MYLK: variants seen among roughly 807,000 people sequenced by gnomAD.
MYLK encodes the protein myosin light chain kinase, smooth muscle.
MYLK carries 106 observed loss-of-function variants against 203.4 expected under a neutral mutation model. That is an observed-to-expected ratio of 0.52 (90% CI 0.45 to 0.61). MYLK has a LOEUF of 0.61. MYLK is among the 20% of genes least tolerant of loss of function. The probability of loss-of-function intolerance (pLI) is 0.00; values close to 1 mark genes in which losing one functional copy is unlikely to be tolerated. For missense variants in MYLK, 2,072 were observed against 2,442.3 expected, an observed-to-expected ratio of 0.85 and a Z score of 3.20; for synonymous variants, 867 against 959.5, an observed-to-expected ratio of 0.90 and a Z score of 1.78.
rs773207592 is a variant in MYLK, at chr3:123,737,465, C to T, written c.667G>A (p.Val223Ile). 6.2e-7 allele frequency: 1 copy of T among 1,614,212 alleles called. No homozygotes were observed. Among genetic ancestry groups the T allele is most frequent in the Non-Finnish European group, 8.5e-7 (1 of 1,180,046 alleles). Residue 223 changes from valine (V) to isoleucine (I), a missense_variant, in exon 8 of 34, where the codon GTC (valine) becomes ATC (isoleucine). Transcript: ENST00000360304. Reference protein sequence around the residue: ...NGMQVLEIHGVNQDDVGVYTC... With the variant: ...NGMQVLEIHGINQDDVGVYTC... ...TACACTCCCACGTCATCTTGGTTGA[C>T]TCCATGGATTTCCAGAACCTGCATG...
chr3:123,804,097 G>A (rs888396669), intron 3 of MYLK, among the ~76,000 whole-genome samples: 13 of 152,198 alleles, frequency 8.5e-5, no homozygotes, highest in African/African-American at 3.1e-4. Flanking sequence ...AAAATTAATG[G>A]GGCAGGATGT....
chr3:123,706,210 G>T (rs1378275875), intron 16 of MYLK, among the ~76,000 whole-genome samples: 2 of 152,116 alleles, frequency 1.3e-5, no homozygotes, highest in African/African-American at 4.8e-5. Flanking sequence ...TAATGAAACT[G>T]CTTTAAAAAT....
intron 5 of MYLK, among the ~76,000 whole-genome samples, chr3:123,747,894 C>T (rs1250599284): frequency 6.6e-6 from 1 of 152,142 alleles, no homozygotes; most frequent in Non-Finnish European, 1.5e-5. Flanking sequence ...ACCACTGGGG[C>T]TGGGGCACAC....
intron 23 of MYLK, among the ~76,000 whole-genome samples, chr3:123,661,668 G>A (rs1363104717): frequency 6.6e-6 from 1 of 152,184 alleles, no homozygotes; most frequent in Non-Finnish European, 1.5e-5. Flanking sequence ...CAGGGTGACG[G>A]ACACTGAGAA....
intron 4 of MYLK, among the ~76,000 whole-genome samples, chr3:123,785,105 G>C (rs958463687): frequency 5.9e-5 from 9 of 152,184 alleles, no homozygotes; most frequent in Admixed American, 5.9e-4. Context: ...TATGGCTGAA[G>C]CCTCACCCCT....
chr3:123,698,039 C>G (rs2108561317), intron 18 of MYLK, among the ~76,000 whole-genome samples: 1 of 152,228 alleles, frequency 6.6e-6, no homozygotes, highest in South Asian at 2.1e-4. Context: ...TTTCTGAGAC[C>G]AGGCCTGGGG....
At chr3:123,734,293 A>C in intron 9 of MYLK, 71 bp from the exon 10 acceptor site, 1 of 1,390,214 alleles carries the variant, frequency 7.2e-7, no homozygotes, top group Non-Finnish European at 9.6e-7. Flanking sequence ...CTGGTTACTC[A>C]CAAATATTAC....
At chr3:123,725,776 C>T (rs934550385) in intron 12 of MYLK, among the ~76,000 whole-genome samples, 168 bp downstream of exon 12, 2 of 152,234 alleles carry the variant, frequency 1.3e-5, no homozygotes, top group African/African-American at 2.4e-5. Context: ...CTTGCTCAGC[C>T]AGTCGGGAGC....
chr3:123,797,208 T>C (rs1191873148), intron 3 of MYLK, among the ~76,000 whole-genome samples: 5 of 152,208 alleles, frequency 3.3e-5, no homozygotes, highest in Non-Finnish European at 5.9e-5. Flanking sequence ...CACCTAGATT[T>C]AACAATTAAC....
intron 23 of MYLK, among the ~76,000 whole-genome samples, chr3:123,661,276 G>C (rs908819770): frequency 1.3e-5 from 2 of 152,172 alleles, no homozygotes; most frequent in Non-Finnish European, 2.9e-5. Flanking sequence ...GCAGTTCAAA[G>C]AAGCTGACCC....
In MYLK at chr3:123,657,378, A is replaced by C. The variant is rs1302677255; in HGVS notation, c.4036T>G (p.Ser1346Ala). ...CCATACCAGGACAGGGTCAGTGAGG[A>C]GCTCCGAATGTCAGAGGCACAAGGT... is the stretch of plus-strand genomic sequence containing the variant. Reference protein sequence around the residue: ...GTPCASDIRSSSLTLSWYGSS... With the variant: ...GTPCASDIRSASLTLSWYGSS... The change falls in exon 24 of 34, where the codon TCC becomes GCC. Residue 1346 changes from serine (S) to alanine (A), a missense_variant. Around this residue, in one of 3 missense-constraint regions of MYLK, gnomAD observed 524 missense variants for 782.4 expected, o/e 0.67. Transcript: ENST00000360304. The C allele has an allele frequency of 6.2e-6, 10 of 1,613,984 alleles. No individual in the cohort carries two copies. The South Asian group carries it at 1.1e-4, about 18-fold the overall frequency.
chr3:123,625,531 G>A (rs191439252), intron 31 of MYLK, among the ~76,000 whole-genome samples: 4 of 151,970 alleles, frequency 2.6e-5, no homozygotes, highest in East Asian at 1.9e-4. Flanking sequence ...ATTCTAGGTC[G>A]GGAGTGGTGG....
chr3:123,840,323 A>C lies in MYLK; in HGVS notation c.-126-8653T>G, dbSNP rs1339911652. Among the ~76,000 whole-genome samples the C allele has an allele frequency of 2.0e-5, 3 of 151,580 alleles. No individual in the cohort carries two copies. The East Asian group carries it at 5.8e-4, about 29-fold the overall frequency. On this transcript the variant is annotated intron_variant, in intron 2 of 33. Transcript: ENST00000360304. ...AAAAAAAGAAAGATGGTACAAAAAT[A>C]AATCTCAGGAATAAAATAGAGAACA...
At chr3:123,658,472 G>C (rs141165071) in intron 23 of MYLK, among the ~76,000 whole-genome samples, 366 of 152,318 alleles carry the variant, frequency 2.4e-3, no homozygotes, top group Middle Eastern at 6.8e-3. Context: ...AGTTTTTGCA[G>C]ATGGTTGGTT....
At position 123,745,991 on chromosome 3, in the gene MYLK, G is replaced by A. The variant is rs138291024; in HGVS notation, c.374-5990C>T. Reference sequence around the variant, plus strand: ...TCCTGCCTCAGCCTCCTGAGTAGCTGGGATTATAGGCACCCACCACCACAT... The same window carrying A: ...TCCTGCCTCAGCCTCCTGAGTAGCTAGGATTATAGGCACCCACCACCACAT... On this transcript the variant is annotated intron_variant, in intron 5 of 33. Transcript: ENST00000360304. 7.2e-3 allele frequency among the ~76,000 whole-genome samples: 1,089 copies of A among 152,060 alleles called. 7 individuals carry two copies. The highest frequency in any genetic ancestry group is 0.012 in the Non-Finnish European group (809 of 67,982).
chr3:123,629,091 AGGGTCCTT>A lies in MYLK; in HGVS notation c.5114+375_5114+382del, dbSNP rs1285080045. Among the ~76,000 whole-genome samples the A allele has an allele frequency of 6.6e-6, 1 of 152,110 alleles. No homozygotes were observed. The highest frequency in any genetic ancestry group is 2.4e-5 in the African/African-American group (1 of 41,432). The stretch of plus-strand genomic sequence containing the variant: ...GTGTCCTCTGCTCTTGCTTGTTGAG[AGGGTCCTT>A]CCCCTGCAGCCCCTGAAGAGGGCTG... On this transcript the variant is annotated intron_variant, in intron 30 of 33. Transcript: ENST00000360304. The surrounding 1 kb of genome is among the most constrained non-coding windows in gnomAD (Gnocchi z 4.4).
intron 5 of MYLK, among the ~76,000 whole-genome samples, chr3:123,750,566 G>T (rs2063161845): frequency 6.6e-6 from 1 of 152,196 alleles, no homozygotes. Flanking sequence ...GCTAGTCCAG[G>T]TTGTAGAGAC....
At chr3:123,831,895 C>T (rs1012767036) in intron 2 of MYLK, among the ~76,000 whole-genome samples, 3 of 152,132 alleles carry the variant, frequency 2.0e-5, no homozygotes, top group Non-Finnish European at 4.4e-5. Context: ...TACTTTCTTC[C>T]CCCACAGAGG....
intron 2 of MYLK, among the ~76,000 whole-genome samples, chr3:123,849,862 T>C (rs1306089701): frequency 1.3e-5 from 2 of 152,174 alleles, no homozygotes; most frequent in Non-Finnish European, 2.9e-5. Context: ...TCATTTACAT[T>C]AGGTATATCT....
Sources: gnomAD v4.1 joint callset for allele counts (sites outside exome capture counted in the v4.1 genomes callset) on GRCh38, gnomAD v4.1.1 for gene constraint, gnomAD v4.1.1 regional missense constraint, Gnocchi (gnomAD v3.1) non-coding constraint, MANE v1.5 for transcripts, NCBI Gene and HGNC (gene_info 2026-07-23, HGNC 2026-07-21) for gene names.